ADK: variants seen among roughly 807,000 people sequenced by gnomAD.
ADK encodes the protein adenosine kinase.
Under a neutral mutation model 44.7 loss-of-function variants are expected in ADK, and 24 were observed. The ratio of observed to expected loss-of-function variants is 0.54; its 90% CI spans 0.39 to 0.76. The LOEUF (loss-of-function observed/expected upper bound fraction) is 0.76. Among genes scored for constraint, ADK ranks in the 30% least tolerant of loss-of-function variants. ADK has a pLI of 0.00. For missense variants in ADK, 321 were observed against 425.1 expected (o/e 0.76, Z 2.15); for synonymous variants, 128 against 142.6 (o/e 0.90, Z 0.73).
intron 1 of ADK, among the ~76,000 whole-genome samples, chr10:74,175,799 C>T (rs991448714): frequency 6.6e-6 from 1 of 152,162 alleles, no homozygotes; most frequent in Non-Finnish European, 1.5e-5. Context: ...AATTATTGCA[C>T]AGAGAATAAA....
At chr10:74,684,866 T>TA (rs1855733937) in intron 10 of ADK, among the ~76,000 whole-genome samples, 1 of 152,226 alleles carries the variant, frequency 6.6e-6, no homozygotes, top group Non-Finnish European at 1.5e-5. Flanking sequence ...TCTAAACACA[T>TA]AAAACTGTCA....
At chr10:74,514,132 C>T (rs1848464946) in intron 6 of ADK, among the ~76,000 whole-genome samples, 1 of 152,190 alleles carries the variant, frequency 6.6e-6, no homozygotes, top group Non-Finnish European at 1.5e-5. Context: ...CTATATTATC[C>T]TGTCCTCTCC....
intron 1 of ADK, among the ~76,000 whole-genome samples, chr10:74,166,328 T>C (rs1250012957): frequency 6.6e-6 from 1 of 152,216 alleles, no homozygotes; most frequent in Non-Finnish European, 1.5e-5. Context: ...AATTTATTAG[T>C]ACTATTTTTT....
At chr10:74,327,464 C>A (rs1841061624) in intron 4 of ADK, among the ~76,000 whole-genome samples, 1 of 152,182 alleles carries the variant, frequency 6.6e-6, no homozygotes. Flanking sequence ...AATGTGTAAT[C>A]TTCAGCCGCT....
chr10:74,650,908 T>C (rs1564836561), intron 9 of ADK, among the ~76,000 whole-genome samples: 1 of 152,220 alleles, frequency 6.6e-6, no homozygotes, highest in Non-Finnish European at 1.5e-5. Context: ...TTATCTCCCA[T>C]CTTCTTTCAT....
intron 1 of ADK, among the ~76,000 whole-genome samples, chr10:74,171,288 GAC>G (rs1450925441): frequency 2.0e-5 from 3 of 152,106 alleles, no homozygotes; most frequent in Non-Finnish European, 4.4e-5. Context: ...TGGAATTACT[GAC>G]ACATATTGCC....
intron 4 of ADK, among the ~76,000 whole-genome samples, chr10:74,385,879 C>G (rs1564691107): frequency 6.6e-6 from 1 of 152,098 alleles, no homozygotes. Flanking sequence ...CAGATATTTA[C>G]TAACAAAAAT....
chr10:74,472,167 C>T (rs1224112395), intron 6 of ADK, among the ~76,000 whole-genome samples: 2 of 152,062 alleles, frequency 1.3e-5, no homozygotes, highest in South Asian at 2.1e-4. Flanking sequence ...CATACCACTG[C>T]ACTCCAGTCT....
intron 10 of ADK, among the ~76,000 whole-genome samples, chr10:74,674,886 A>AAATT (rs111435112): frequency 0.68 from 101,821 of 150,494 alleles, 34,787 homozygotes; most frequent in Middle Eastern, 0.78. Flanking sequence ...TGTCTCAAAA[A>AAATT]AATTAATTAA....
chr10:74,355,351 G>A (rs1353841681), intron 4 of ADK, among the ~76,000 whole-genome samples: 1 of 152,168 alleles, frequency 6.6e-6, no homozygotes, highest in African/African-American at 2.4e-5. Flanking sequence ...CTGCTGCCTG[G>A]AGGAATAATG....
intron 10 of ADK, among the ~76,000 whole-genome samples, chr10:74,701,065 C>G (rs1049840480): frequency 6.6e-6 from 1 of 151,998 alleles, no homozygotes; most frequent in East Asian, 1.9e-4. Flanking sequence ...GGATTTTTTT[C>G]TTTTAAAGTT....
chr10:74,176,023 G>C (rs1386482732), intron 1 of ADK, among the ~76,000 whole-genome samples: 4 of 152,014 alleles, frequency 2.6e-5, no homozygotes, highest in Non-Finnish European at 5.9e-5. Context: ...GGAAAGTGAG[G>C]TAATTGTGTC....
chr10:74,553,974 A>G (rs1316349458), intron 7 of ADK, among the ~76,000 whole-genome samples: 1 of 152,242 alleles, frequency 6.6e-6, no homozygotes, highest in Non-Finnish European at 1.5e-5. Flanking sequence ...ATATGCTTAT[A>G]TATGACATAT....
chr10:74,661,260 A>G (rs1217559150), intron 9 of ADK: 4 of 937,628 alleles, frequency 4.3e-6, no homozygotes, highest in Admixed American at 6.2e-5. Context: ...ATCAAAATCT[A>G]TTTATTCCAT....
At chr10:74,237,542 C>A (rs1277739660) in intron 3 of ADK, among the ~76,000 whole-genome samples, 1 of 152,210 alleles carries the variant, frequency 6.6e-6, no homozygotes, top group East Asian at 1.9e-4. Flanking sequence ...CACGAATGTT[C>A]TTAATGGCAT....
chr10:74,182,428 G>A (rs1842594717), intron 1 of ADK, among the ~76,000 whole-genome samples: 2 of 151,612 alleles, frequency 1.3e-5, no homozygotes, highest in Admixed American at 6.6e-5. Context: ...GAGTGCAATG[G>A]CACAATATCT....
intron 1 of ADK, among the ~76,000 whole-genome samples, chr10:74,162,005 C>G (rs7912162): frequency 0.51 from 76,763 of 151,910 alleles, 20,468 homozygotes; most frequent in Non-Finnish European, 0.59. Flanking sequence ...TGCCTGGCCT[C>G]TTAACCCTTT....
intron 1 of ADK, among the ~76,000 whole-genome samples, chr10:74,199,591 G>A (rs1402926669): frequency 6.6e-6 from 1 of 152,068 alleles, no homozygotes; most frequent in East Asian, 1.9e-4. Flanking sequence ...TTCTACCATT[G>A]ATGGGCACCT....
At chr10:74,705,087 G>T (rs1210320326) in intron 10 of ADK, among the ~76,000 whole-genome samples, 1 of 152,180 alleles carries the variant, frequency 6.6e-6, no homozygotes, top group Non-Finnish European at 1.5e-5. Flanking sequence ...ATCTGACTGG[G>T]AAAAGTCTGT....
Sources: allele counts gnomAD v4.1 joint callset (sites outside exome capture counted in the v4.1 genomes callset), GRCh38; gene constraint gnomAD v4.1.1; transcripts MANE v1.5; gene names NCBI Gene and HGNC (gene_info 2026-07-23, HGNC 2026-07-21).